Variants in PTCH2 observed in about 807,000 individuals in gnomAD.
The protein encoded by PTCH2 is protein patched homolog 2.
Under a neutral mutation model 117.9 loss-of-function variants are expected in PTCH2, and 96 were observed. The observed-to-expected ratio is 0.81, with a 90% CI of 0.69 to 0.96. The LOEUF (loss-of-function observed/expected upper bound fraction) is 0.96, where lower values mean the gene tolerates loss of function less well. Ranked by LOEUF, PTCH2 falls within the 50% of genes least tolerant of loss-of-function variation. PTCH2 has a pLI of 0.00. For missense variants in PTCH2, 1,379 were observed against 1,562.5 expected, an observed-to-expected ratio of 0.88 and a Z score of 1.98; for synonymous variants, 615 against 660.9, an observed-to-expected ratio of 0.93 and a Z score of 1.06.
chr1:44,827,037 C>T lies in PTCH2; in HGVS notation c.2560G>A (p.Glu854Lys), dbSNP rs149133805. The change falls in exon 17 of 22, where the codon GAG becomes AAG. Residue 854 changes from glutamate (E) to lysine (K), a missense_variant. Transcript: ENST00000372192. ...ACGGTCAGCCCCATGTAGAAGAGCT[C>T]GGGTGGAATCAGTCCCTCTCTGTCC... Reference protein sequence around the residue: ...LVDREGLIPPELFYMGLTVWV... With the variant: ...LVDREGLIPPKLFYMGLTVWV... The T allele has an allele frequency of 3.7e-5, 59 of 1,614,066 alleles. 1 individual carries two copies. In the South Asian group the frequency reaches 4.8e-4, roughly 13 times the overall value.
At position 44,829,991 on chromosome 1, in the gene PTCH2, C is replaced by CA; in HGVS notation, c.852dup (p.Gly285TrpfsTer51). The CA allele has an allele frequency of 6.2e-7, 1 of 1,614,154 alleles. No homozygotes were observed. Among genetic ancestry groups the CA allele is most frequent in the Non-Finnish European group, 8.5e-7 (1 of 1,180,016 alleles). ...CAGTGCATGAATTTGTGGGAGAAGC[C>CA]ATGGCAGCCCCCACTCAGCTCGTGA... On this transcript the variant is annotated frameshift_variant, in exon 7 of 22. Transcript: ENST00000372192. LOFTEE classifies it high-confidence loss of function.
In PTCH2 at chr1:44,829,427, C is replaced by T. The variant is rs370215096; in HGVS notation, c.1190G>A (p.Arg397His). 21 of 1,614,184 alleles carry T rather than the reference C, an allele frequency of 1.3e-5. No homozygotes were observed. Among genetic ancestry groups the T allele is most frequent in the East Asian group, 2.2e-5 (1 of 44,884 alleles). ...CATGAGCAGATAGCCTCCCACCACACGGGCAGCACTGACTTCAGAGAACGC... is the reference window on the plus strand; with the variant it reads ...CATGAGCAGATAGCCTCCCACCACATGGGCAGCACTGACTTCAGAGAACGC... ...LHAFSEVSAA[R>H]VVGGYLLMLA... Residue 397 changes from arginine (R) to histidine (H), a missense_variant, in exon 9 of 22, where the codon CGT (arginine) becomes CAT (histidine). Arg to His is a conservative substitution (Grantham distance 29). Transcript: ENST00000372192.
In PTCH2 at chr1:44,823,395, C is replaced by CA. The variant is rs1653001298; in HGVS notation, c.3115-11dup. On this transcript the variant is annotated splice_polypyrimidine_tract_variant and intron_variant, in intron 19 of 21. Coordinates refer to ENST00000372192, the MANE Select transcript of PTCH2 (RefSeq NM_003738.5). This position sits in a 1 kb window ranked among gnomAD's most constrained non-coding sequence, Gnocchi z 5.1. ...GGGTGGTCAGGAAGCCCTAGGAAAA[C>CA]AGAGTGGTCCTGGAGCTGCTCCTCT... 3 of 1,614,000 alleles carry CA rather than the reference C, an allele frequency of 1.9e-6. No homozygotes were observed. Among genetic ancestry groups the CA allele is most frequent in the Non-Finnish European group, 2.5e-6 (3 of 1,180,036 alleles).
chr1:44,829,602 G>GTCCTTT lies in PTCH2; in HGVS notation c.1083+11_1083+12insAAAGGA. ...GCCTCAGGGCACCCCCCTTGTCCTT[G>GTCCTTT]TCCATACCGACCTGCACAAAGCGCC... On this transcript the variant is annotated intron_variant, in intron 8 of 21. Transcript: ENST00000372192. The GTCCTTT allele has an allele frequency of 6.2e-7, 1 of 1,614,208 alleles. No individual in the cohort carries two copies. Among genetic ancestry groups the GTCCTTT allele is most frequent in the Non-Finnish European group, 8.5e-7 (1 of 1,180,034 alleles).
At position 44,827,065 on chromosome 1, in the gene PTCH2, C is replaced by T; in HGVS notation, c.2532G>A (p.Leu844=). The change falls in exon 17 of 22, where the codon CTG becomes CTA. Residue 844 remains leucine (L), a synonymous_variant. Transcript: ENST00000372192. ...LDFSQLTTRK[L]VDREGLIPPE... The stretch of plus-strand genomic sequence containing the variant: ...GTGGAATCAGTCCCTCTCTGTCCAC[C>T]AGCTTCCTTGTGGTCAGCTGCAGAG... 1 of 1,614,104 alleles carries T rather than the reference C, an allele frequency of 6.2e-7. No individual in the cohort carries two copies. Among genetic ancestry groups the T allele is most frequent in the Non-Finnish European group, 8.5e-7 (1 of 1,180,014 alleles).
At chr1:44,836,575 C>T (rs1266371906) in intron 2 of PTCH2, among the ~76,000 whole-genome samples, 2 of 151,882 alleles carry the variant, frequency 1.3e-5, no homozygotes, top group East Asian at 1.9e-4. Context: ...AGGCGTGGTG[C>T]GCACCTGTAA....
chr1:44,841,897 C>T lies in PTCH2; in HGVS notation c.215G>A (p.Gly72Asp). Residue 72 changes from glycine (G) to aspartate (D), a missense_variant, in exon 2 of 22, where the codon GGT (glycine) becomes GAT (aspartate). Gly to Asp is a moderately conservative substitution (Grantham distance 94, BLOSUM62 -1). Coordinates refer to ENST00000372192, the MANE Select transcript of PTCH2 (RefSeq NM_003738.5). Reference sequence around the variant, plus strand: ...TGTCTCAATAATGGCCATGCGGAGACCTAATGCCAGGGCCCCAAAGGCCAA... The same window carrying T: ...TGTCTCAATAATGGCCATGCGGAGATCTAATGCCAGGGCCCCAAAGGCCAA... ...GLLAFGALAL[G>D]LRMAIIETNL... 7 of 1,614,200 alleles carry T rather than the reference C, an allele frequency of 4.3e-6. No homozygotes were observed. The highest frequency in any genetic ancestry group is 5.9e-6 in the Non-Finnish European group (7 of 1,180,040).
In PTCH2 at chr1:44,831,377, T is replaced by C. The variant is rs533668656; in HGVS notation, c.617+329A>G. 6.6e-6 allele frequency among the ~76,000 whole-genome samples: 1 copy of C among 152,320 alleles called. No individual in the cohort carries two copies. The highest frequency in any genetic ancestry group is 2.1e-4 in the South Asian group (1 of 4,832). On this transcript the variant is annotated intron_variant, in intron 5 of 21. Coordinates refer to ENST00000372192, the MANE Select transcript of PTCH2 (RefSeq NM_003738.5). This position sits in a 1 kb window ranked among gnomAD's most constrained non-coding sequence, Gnocchi z 4.3. The stretch of plus-strand genomic sequence containing the variant: ...CCAGCAGGCACATGCCTGTAGCAGG[T>C]TTTCTTTCTGGCCTGGGCAATGGCT...
chr1:44,823,025 C>G lies in PTCH2; in HGVS notation c.3357+44G>C. 1 of 1,585,392 alleles carries G rather than the reference C, an allele frequency of 6.3e-7. No homozygotes were observed. Among genetic ancestry groups the G allele is most frequent in the South Asian group, 1.1e-5 (1 of 88,334 alleles). ...CTTCCCTTGCCTCTCCCTACCCCGT[C>G]CCTTGGGCTGGGAGTAGAGGGATGG... On this transcript the variant is annotated intron_variant, in intron 21 of 21. Transcript: ENST00000372192. This position sits in a 1 kb window ranked among gnomAD's most constrained non-coding sequence, Gnocchi z 5.1.
At chr1:44,835,491 T>A (rs922874438) in intron 2 of PTCH2, among the ~76,000 whole-genome samples, 2 of 152,230 alleles carry the variant, frequency 1.3e-5, no homozygotes, top group African/African-American at 4.8e-5. Flanking sequence ...GCAAAAATTT[T>A]AAAATTGATG....
At chr1:44,840,101 ATTT>A (rs1161806201) in intron 2 of PTCH2, among the ~76,000 whole-genome samples, 4 of 132,314 alleles carry the variant, frequency 3.0e-5, no homozygotes, top group Non-Finnish European at 1.6e-5. Flanking sequence ...TCATGCTGAA[ATTT>A]TTTTTTTTTT....
chr1:44,826,702 G>T lies in PTCH2; in HGVS notation c.2762C>A (p.Ala921Glu), dbSNP rs1653163765. 1.2e-6 allele frequency: 2 copies of T among 1,603,454 alleles called. No individual in the cohort carries two copies. Among genetic ancestry groups the T allele is most frequent in the South Asian group, 2.2e-5 (2 of 90,218 alleles). The part of the protein sequence containing the change: ...PFLLRGLQKT[A>E]DFVEAIEGAR... ...CCCCTCGATGGCCTCCACAAAGTCT[G>T]CAGTCTTCTGGAGGCCACGCAGCAG... The change falls in exon 18 of 22, where the codon GCA becomes GAA. Residue 921 changes from alanine (A) to glutamate (E), a missense_variant. Coordinates refer to ENST00000372192, the MANE Select transcript of PTCH2 (RefSeq NM_003738.5). This position sits in a 1 kb window ranked among gnomAD's most constrained non-coding sequence, Gnocchi z 5.1.
At chr1:44,835,994 G>A (rs1414568049) in intron 2 of PTCH2, among the ~76,000 whole-genome samples, 1 of 152,186 alleles carries the variant, frequency 6.6e-6, no homozygotes, top group African/African-American at 2.4e-5. Context: ...AGGGCACTAA[G>A]AAGGGGACTG....
chr1:44,820,697 C>T (rs1315047643), downstream of PTCH2: 2 of 718,194 alleles, frequency 2.8e-6, no homozygotes, highest in African/African-American at 1.7e-5. Context: ...GGCTAGATCT[C>T]CTCGGGCCTG....
intron 2 of PTCH2, among the ~76,000 whole-genome samples, chr1:44,833,180 G>C (rs1557648372): frequency 6.6e-6 from 1 of 152,130 alleles, no homozygotes; most frequent in South Asian, 2.1e-4. Context: ...CTGGCCACAG[G>C]CTCCTGCTCT....
Position 44,830,894 on chromosome 1 carries a change from T to A in PTCH2, c.767A>T (p.Asp256Val), listed in dbSNP as rs2148879140. 6.3e-7 allele frequency: 1 copy of A among 1,576,244 alleles called. No homozygotes were observed. The highest frequency in any genetic ancestry group is 8.7e-7 in the Non-Finnish European group (1 of 1,152,852). ...AYVGRPCLHP[D>V]DLHCPPSAPN... The stretch of plus-strand genomic sequence containing the variant: ...GGCACTAGGTGGGCAGTGGAGGTCA[T>A]CAGGGTGCAGACAGGGCCGCCCCAC... Residue 256 changes from aspartate to valine, a missense_variant, in exon 6 of 22, where the codon GAT becomes GTT. Transcript: ENST00000372192.
Position 44,827,645 on chromosome 1 carries a change from C to A in PTCH2, c.2128G>T (p.Gly710Cys), listed in dbSNP as rs748852529. Residue 710 changes from glycine (G) to cysteine (C), a missense_variant, in exon 15 of 22, where the codon GGC (glycine) becomes TGC (cysteine). Physicochemically the swap from Gly to Cys is radical, Grantham distance 159 (BLOSUM62 -3). Coordinates refer to ENST00000372192, the MANE Select transcript of PTCH2 (RefSeq NM_003738.5). ...GGCACCACATCCGTCAGGGCCAGGC[C>A]GTCTTGCACCAAGGTGGCTCCGTAG... ...SLYGATLVQD[G>C]LALTDVVPRG... 1 of 1,613,292 alleles carries A rather than the reference C, an allele frequency of 6.2e-7. No homozygotes were observed. Among genetic ancestry groups the A allele is most frequent in the Non-Finnish European group, 8.5e-7 (1 of 1,180,042 alleles).
chr1:44,832,607 G>C (rs1653508576), intron 2 of PTCH2, among the ~76,000 whole-genome samples: 1 of 152,226 alleles, frequency 6.6e-6, no homozygotes, highest in Admixed American at 6.5e-5. Context: ...GCATGAACCA[G>C]GTTGGCTGGG....
At chr1:44,825,112 A>G (rs1172963008) in intron 19 of PTCH2, among the ~76,000 whole-genome samples, 1 of 151,706 alleles carries the variant, frequency 6.6e-6, no homozygotes, top group Non-Finnish European at 1.5e-5. Context: ...TTATTTGTCT[A>G]CTTATTTACT....
Sources: gnomAD v4.1 joint callset for allele counts (sites outside exome capture counted in the v4.1 genomes callset) on GRCh38, gnomAD v4.1.1 for gene constraint, Gnocchi (gnomAD v3.1) non-coding constraint, MANE v1.5 for transcripts, NCBI Gene and HGNC (gene_info 2026-07-23, HGNC 2026-07-21) for gene names.